NCALD: variants seen among roughly 807,000 people sequenced by gnomAD.
NCALD encodes the protein neurocalcin delta, also known as neurocalcin-delta.
NCALD carries 10 observed loss-of-function variants against 18.6 expected under a neutral mutation model. The observed-to-expected ratio is 0.54, with a 90% confidence interval of 0.33 to 0.91. NCALD has a LOEUF of 0.91. Ranked by LOEUF, NCALD falls within the 40% of genes least tolerant of loss-of-function variation. The pLI is 0.03. For synonymous variants in NCALD, 88 were observed against 87.4 expected, an observed-to-expected ratio of 1.01 and a Z score of -0.04; for missense variants, 184 against 247.6, an observed-to-expected ratio of 0.74 and a Z score of 1.72.
intron 2 of NCALD, among the ~76,000 whole-genome samples, chr8:101,714,536 A>G (rs1747032722): frequency 6.6e-6 from 1 of 152,250 alleles, no homozygotes; most frequent in Non-Finnish European, 1.5e-5. Context: ...ATGGTAGGAA[A>G]AATCAATATC....
intron 2 of NCALD, among the ~76,000 whole-genome samples, chr8:101,957,455 T>C (rs906610176): frequency 2.6e-5 from 4 of 151,948 alleles, no homozygotes; most frequent in Non-Finnish European, 5.9e-5. Context: ...CTTAGCATCC[T>C]GATGCCAAAT....
intron 3 of NCALD, among the ~76,000 whole-genome samples, chr8:101,891,817 CGGAG>C (rs2131512323): frequency 6.6e-6 from 1 of 152,306 alleles, no homozygotes; most frequent in East Asian, 1.9e-4. Flanking sequence ...GCTTAAAAAA[CGGAG>C]CACCACGAGA....
At chr8:101,952,787 C>A (rs1586816070) in intron 2 of NCALD, among the ~76,000 whole-genome samples, 1 of 152,302 alleles carries the variant, frequency 6.6e-6, no homozygotes, top group East Asian at 1.9e-4. Context: ...TAATTTTTTC[C>A]AGGGTGCTAA....
intron 2 of NCALD, among the ~76,000 whole-genome samples, chr8:102,019,962 G>A (rs1444820115): frequency 6.6e-6 from 1 of 152,084 alleles, no homozygotes; most frequent in Non-Finnish European, 1.5e-5. Flanking sequence ...TCAAATGAAT[G>A]TACCATAATT....
At chr8:101,930,567 C>T (rs1818536617) in intron 2 of NCALD, among the ~76,000 whole-genome samples, 1 of 151,894 alleles carries the variant, frequency 6.6e-6, no homozygotes, top group Admixed American at 6.6e-5. Context: ...CCTCTTCCTC[C>T]CTCGTCACCC....
At chr8:101,837,091 T>C (rs1248145997) in intron 4 of NCALD, among the ~76,000 whole-genome samples, 1 of 152,210 alleles carries the variant, frequency 6.6e-6, no homozygotes, top group African/African-American at 2.4e-5. Flanking sequence ...TTCTTCTTCC[T>C]GCTCTCAGAC....
chr8:101,839,607 T>C (rs189025727), intron 4 of NCALD, among the ~76,000 whole-genome samples: 27 of 152,312 alleles, frequency 1.8e-4, no homozygotes, highest in African/African-American at 5.5e-4. Flanking sequence ...CCTGCAAACA[T>C]ACATTCATTC....
intron 2 of NCALD, among the ~76,000 whole-genome samples, chr8:101,718,780 T>C (rs1816210314): frequency 6.6e-6 from 1 of 152,200 alleles, no homozygotes; most frequent in Non-Finnish European, 1.5e-5. Context: ...TGCCTCATTA[T>C]ACCCTCCTTC....
intron 2 of NCALD, among the ~76,000 whole-genome samples, chr8:102,018,321 T>A (rs1822158309): frequency 6.6e-6 from 1 of 152,216 alleles, no homozygotes; most frequent in African/African-American, 2.4e-5. Context: ...TTATTCCTAG[T>A]AGCTAAATAC....
chr8:101,804,443 A>T lies in NCALD; in HGVS notation c.-20+82698T>A, dbSNP rs189915339. ...TATTTATAACTGTAATATATAATTG[A>T]TATAATTAATTATATAATATATAAC... On this transcript the variant is annotated intron_variant, in intron 4 of 6. Transcript: ENST00000311028. Among the ~76,000 whole-genome samples, 297 of 132,668 alleles carry T rather than the reference A, an allele frequency of 2.2e-3. 3 individuals carry two copies. Among genetic ancestry groups the T allele is most frequent in the Non-Finnish European group, 1.7e-3 (111 of 65,068 alleles). The allele number at this position is 132,668 out of a possible 152,430, so 87.0% of individuals were successfully genotyped here.
chr8:101,864,428 G>A (rs1019857521), intron 4 of NCALD, among the ~76,000 whole-genome samples: 6 of 152,136 alleles, frequency 3.9e-5, no homozygotes, highest in African/African-American at 1.4e-4. Context: ...TGGAAAAGTA[G>A]AATCTTAAAT....
chr8:101,872,383 A>G (rs553522580), intron 4 of NCALD: 34 of 1,523,682 alleles, frequency 2.2e-5, no homozygotes, highest in Non-Finnish European at 2.9e-5. Context: ...ATGATCCTCC[A>G]GCTCTTCCAA....
In NCALD at chr8:101,688,829, C is replaced by A; in HGVS notation, c.*480G>T. ...ATGTCCCAGCTCGCTGGAATAGCCT[C>A]ACCCCAGAGGGTAACTTGTTCTTGG... On this transcript the variant is annotated 3_prime_UTR_variant, in exon 4 of 4. Transcript: ENST00000220931. The A allele has an allele frequency of 1.6e-6, 1 of 636,952 alleles. No individual in the cohort carries two copies. The allele number at this position is 636,952 out of a possible 1,614,324, so 39.5% of individuals were successfully genotyped here.
Position 102,079,770 on chromosome 8 carries a change from A to G in NCALD, c.-210+44467T>C, listed in dbSNP as rs529507688. 2.1e-4 allele frequency among the ~76,000 whole-genome samples: 32 copies of G among 152,340 alleles called. 1 individual carries two copies. In the South Asian group the frequency reaches 6.4e-3, roughly 31 times the overall value. ...TAAATGAATATGAACTGCAATGCATAATTAATAAATTCAATTATTTTCTCT... is the reference window on the plus strand; with the variant it reads ...TAAATGAATATGAACTGCAATGCATGATTAATAAATTCAATTATTTTCTCT... On this transcript the variant is annotated intron_variant, in intron 1 of 6. Coordinates refer to the NCALD transcript ENST00000311028.
intron 2 of NCALD, among the ~76,000 whole-genome samples, chr8:101,710,619 T>C (rs1473191363): frequency 1.3e-5 from 2 of 152,244 alleles, no homozygotes; most frequent in African/African-American, 4.8e-5. Flanking sequence ...CTAGGTGGTT[T>C]TCCCCCTCAC....
In NCALD at chr8:101,928,600, CTT is replaced by C. The variant is rs58400436; in HGVS notation, c.-156-12744_-156-12743del. The stretch of plus-strand genomic sequence containing the variant: ...ATCAAATGGGCTCAGGCTATGGACA[CTT>C]TTTTTTTTTTTTAAGTTTTCTGTGT... On this transcript the variant is annotated intron_variant, in intron 2 of 6. Transcript: ENST00000311028. Among the ~76,000 whole-genome samples, 915 of 143,696 alleles carry C rather than the reference CTT, an allele frequency of 6.4e-3. 5 individuals carry two copies. Among genetic ancestry groups the C allele is most frequent in the African/African-American group, 0.02 (800 of 39,836 alleles). 94.3% of individuals were successfully genotyped at this position (143,696 alleles called of 152,430 possible). A position where few individuals can be genotyped will look rare whatever the true frequency, so the allele number is the denominator to read the frequency against.
At chr8:101,833,027 C>G (rs1356296484) in intron 4 of NCALD, among the ~76,000 whole-genome samples, 8 of 152,248 alleles carry the variant, frequency 5.3e-5, no homozygotes, top group African/African-American at 1.7e-4. Flanking sequence ...TCAGCCACAC[C>G]CGGAGCCTGG....
intron 2 of NCALD, among the ~76,000 whole-genome samples, chr8:102,003,108 A>T (rs1377814562): frequency 6.6e-6 from 1 of 152,218 alleles, no homozygotes; most frequent in African/African-American, 2.4e-5. Flanking sequence ...TCTTGAAAAG[A>T]TCAACAAAAT....
At chr8:101,728,176 CACAGCAAGAGGAAATGGTGGCTAGTG>C (rs1382218655) in intron 1 of NCALD, among the ~76,000 whole-genome samples, 1 of 152,150 alleles carries the variant, frequency 6.6e-6, no homozygotes, top group Non-Finnish European at 1.5e-5. Context: ...AAAATGACGC[CACAGCAAGAGGAAATGGTGGCTAGTG>C]AACAGGCTTT....
Sources: allele counts gnomAD v4.1 joint callset (sites outside exome capture counted in the v4.1 genomes callset), GRCh38; gene constraint gnomAD v4.1.1; transcripts MANE v1.5; gene names NCBI Gene and HGNC (gene_info 2026-07-23, HGNC 2026-07-21).